The following CERS4 variants were observed in gnomAD, a reference collection of about 807,000 sequenced individuals.
The protein encoded by CERS4 is ceramide synthase 4.
Under a neutral mutation model 51.8 loss-of-function variants are expected in CERS4, and 65 were observed. The ratio of observed to expected loss-of-function variants is 1.26; its 90% CI spans 1.03 to 1.54. CERS4 has a LOEUF of 1.54. Ranked by LOEUF, CERS4 falls within the 40% of genes most tolerant of loss-of-function variation. The pLI is 0.00. For synonymous variants in CERS4, 228 were observed against 208.4 expected, an observed-to-expected ratio of 1.09 and a Z score of -0.81; for missense variants, 563 against 500.4, an observed-to-expected ratio of 1.13 and a Z score of -1.19.
At chr19:8,254,322 C>CAAAA (rs74176633) in intron 3 of CERS4, among the ~76,000 whole-genome samples, 177 bp from the exon 4 acceptor site, 1,617 of 38,728 alleles carry the variant, frequency 0.042, 180 homozygotes, top group South Asian at 0.11. Flanking sequence ...TACTCTGTCT[C>CAAAA]AAAAAAAAAA....
Position 8,262,123 on chromosome 19 carries a change from G to A in CERS4, c.*14G>A. The A allele has an allele frequency of 6.9e-7, 1 of 1,443,540 alleles. No individual in the cohort carries two copies. The highest frequency in any genetic ancestry group is 9.1e-7 in the Non-Finnish European group (1 of 1,100,708). 89.4% of individuals were successfully genotyped at this position (1,443,540 alleles called of 1,614,324 possible). ...ACAGCCACATAGCCGGGCGGGGCTG[G>A]CTGTAAGGGGTTGCCCCCCCGCCAG... On this transcript the variant is annotated 3_prime_UTR_variant, in exon 12 of 12. Coordinates refer to ENST00000251363, the MANE Select transcript of CERS4 (RefSeq NM_024552.3).
Position 8,256,242 on chromosome 19 carries a change from T to A in CERS4, c.475T>A (p.Trp159Arg), listed in dbSNP as rs775703749. The stretch of plus-strand genomic sequence containing the variant: ...GACACCCATTTCCCTGCAGGAGTCA[T>A]GGCTGTGGGCACCAGTAATGTGCTG... ...GGLSVLYHES[W>R]LWAPVMCWDR... Residue 159 changes from tryptophan (W) to arginine (R), a missense_variant, in exon 7 of 12, where the codon TGG (tryptophan) becomes AGG (arginine). Coordinates refer to ENST00000251363, the MANE Select transcript of CERS4 (RefSeq NM_024552.3). 8.1e-6 allele frequency: 13 copies of A among 1,612,816 alleles called. No homozygotes were observed. The highest frequency in any genetic ancestry group is 6.7e-5 in the Admixed American group (4 of 59,776).
chr19:8,252,942 C>T (rs1262013226), intron 3 of CERS4, among the ~76,000 whole-genome samples: 1 of 152,110 alleles, frequency 6.6e-6, no homozygotes, highest in African/African-American at 2.4e-5. Flanking sequence ...GTCTCTGAGC[C>T]TCAGTTTACC....
intron 3 of CERS4, among the ~76,000 whole-genome samples, chr19:8,251,603 A>G (rs991531035): frequency 1.5e-4 from 23 of 151,684 alleles, no homozygotes; most frequent in Non-Finnish European, 2.8e-4. Context: ...CTTGAGGTCA[A>G]GAGTTCGAGA....
chr19:8,235,407 G>A (rs928820978), intron 2 of CERS4, among the ~76,000 whole-genome samples: 3 of 151,350 alleles, frequency 2.0e-5, no homozygotes, highest in African/African-American at 7.3e-5. Context: ...GGATTACAGG[G>A]CCATCTTTTT....
intron 2 of CERS4, among the ~76,000 whole-genome samples, chr19:8,235,016 T>C (rs1968180794): frequency 6.7e-6 from 1 of 148,926 alleles, no homozygotes; most frequent in African/African-American, 2.5e-5. Context: ...TCTTTCTTTT[T>C]TTTTTTTTTC....
intron 2 of CERS4, among the ~76,000 whole-genome samples, chr19:8,224,786 G>A (rs147382078): frequency 6.6e-6 from 1 of 152,106 alleles, no homozygotes; most frequent in South Asian, 2.1e-4. Flanking sequence ...AGGGACTGTC[G>A]CGGGAAAGAC....
intron 2 of CERS4, among the ~76,000 whole-genome samples, chr19:8,249,906 TC>T (rs895537929): frequency 1.3e-5 from 2 of 152,028 alleles, no homozygotes; most frequent in African/African-American, 2.4e-5. Flanking sequence ...TTTCTTTAAA[TC>T]CTTCATCTTT....
At chr19:8,223,607 G>C (rs1421780061) in intron 2 of CERS4, among the ~76,000 whole-genome samples, 3 of 151,800 alleles carry the variant, frequency 2.0e-5, no homozygotes, top group African/African-American at 7.3e-5. Flanking sequence ...CAACAAGAGA[G>C]AAACTCTGTC....
intron 10 of CERS4, among the ~76,000 whole-genome samples, chr19:8,258,806 C>T (rs1467488404): frequency 4.0e-5 from 6 of 151,878 alleles, no homozygotes; most frequent in Non-Finnish European, 5.9e-5. Context: ...TGTACCACTG[C>T]ACTCCAGCCT....
At chr19:8,213,600 G>T (rs753102301) in intron 2 of CERS4, among the ~76,000 whole-genome samples, 7 of 152,134 alleles carry the variant, frequency 4.6e-5, no homozygotes, top group Non-Finnish European at 1.0e-4. Flanking sequence ...GAGCCACTGT[G>T]CCTGGCCAAG....
intron 9 of CERS4, 146 bp downstream of exon 9, chr19:8,257,223 C>G: frequency 2.4e-6 from 2 of 839,422 alleles, no homozygotes; most frequent in Non-Finnish European, 3.7e-6. Context: ...GCCCTGCCCC[C>G]TCTGTCTTCC....
chr19:8,253,467 TTTTTG>T (rs1453773196), intron 3 of CERS4, among the ~76,000 whole-genome samples: 37 of 148,750 alleles, frequency 2.5e-4, no homozygotes, highest in Admixed American at 1.3e-3. Flanking sequence ...TTTTTTTTTT[TTTTTG>T]GGGAGACAGA....
In CERS4 at chr19:8,255,674, G is replaced by A. The variant is rs773042811; in HGVS notation, c.359G>A (p.Arg120Lys). 1.9e-6 allele frequency: 3 copies of A among 1,613,086 alleles called. No individual in the cohort carries two copies. The highest frequency in any genetic ancestry group is 1.7e-6 in the Non-Finnish European group (2 of 1,179,876). The change falls in exon 5 of 12, where the codon AGA (arginine) becomes AAA (lysine). Residue 120 changes from arginine to lysine, a missense_variant. Arg to Lys is a conservative substitution (Grantham distance 26, BLOSUM62 2). Transcript: ENST00000251363. ...CAGCAGACCCAGCGATGGTTCCGGA[G>A]ACGCCGGAACCAGGATCGACCCCAG... Reference protein sequence around the residue: ...TLQQTQRWFRRRRNQDRPQLT... With the variant: ...TLQQTQRWFRKRRNQDRPQLT...
Position 8,257,052 on chromosome 19 carries a change from A to C in CERS4, c.716A>C (p.His239Pro). The C allele has an allele frequency of 1.2e-6, 2 of 1,609,526 alleles. No individual in the cohort carries two copies. Among genetic ancestry groups the C allele is most frequent in the Non-Finnish European group, 1.7e-6 (2 of 1,177,258 alleles). The stretch of plus-strand genomic sequence containing the variant: ...ATTGGCTCTCTGGTGCTGCTGTTAC[A>C]CGATTCCTCTGACTACCTGCTGGAG... ...LRIGSLVLLL[H>P]DSSDYLLEAC... Residue 239 changes from histidine (H) to proline (P), a missense_variant, in exon 9 of 12, where the codon CAC (histidine) becomes CCC (proline). Coordinates refer to ENST00000251363, the MANE Select transcript of CERS4 (RefSeq NM_024552.3).
At chr19:8,242,611 T>C (rs1766072902) in intron 2 of CERS4, among the ~76,000 whole-genome samples, 3 of 152,178 alleles carry the variant, frequency 2.0e-5, no homozygotes, top group Non-Finnish European at 4.4e-5. Context: ...AGCTGGGTTT[T>C]GAAGGATGCA....
At position 8,256,560 on chromosome 19, in the gene CERS4, C is replaced by A. The variant is rs1023312262; in HGVS notation, c.520-58C>A. On this transcript the variant is annotated intron_variant, in intron 7 of 11. Transcript: ENST00000251363. ...CAAACGGAGTGGGCCCGGAGCCATACCCCTGCCCGATTGGAGCCTTCGCTC... is the reference window on the plus strand; with the variant it reads ...CAAACGGAGTGGGCCCGGAGCCATAACCCTGCCCGATTGGAGCCTTCGCTC... The A allele has an allele frequency of 1.1e-4, 173 of 1,505,204 alleles. No individual in the cohort carries two copies. In the East Asian group the frequency reaches 3.9e-3, roughly 34 times the overall value. The allele number at this position is 1,505,204 out of a possible 1,614,324, so 93.2% of individuals were successfully genotyped here.
chr19:8,244,785 C>T lies in CERS4; in HGVS notation c.-1-6291C>T, dbSNP rs564703636. Among the ~76,000 whole-genome samples, 5 of 152,208 alleles carry T rather than the reference C, an allele frequency of 3.3e-5. No homozygotes were observed. The East Asian group carries it at 5.9e-4, about 18-fold the overall frequency. ...TTGGAAAGCAGTTTGCCCACCTTGGCCTCCCAAAGTGCTGGGATTACAGGG... is the reference window on the plus strand; with the variant it reads ...TTGGAAAGCAGTTTGCCCACCTTGGTCTCCCAAAGTGCTGGGATTACAGGG... On this transcript the variant is annotated intron_variant, in intron 2 of 11. Coordinates refer to ENST00000251363, the MANE Select transcript of CERS4 (RefSeq NM_024552.3).
At chr19:8,227,930 C>T (rs999609505) in intron 2 of CERS4, among the ~76,000 whole-genome samples, 1 of 152,066 alleles carries the variant, frequency 6.6e-6, no homozygotes, top group African/African-American at 2.4e-5. Context: ...GGCGTGATCT[C>T]GGCTCACCGC....
Sources: gnomAD v4.1 joint callset for allele counts (sites outside exome capture counted in the v4.1 genomes callset) on GRCh38, gnomAD v4.1.1 for gene constraint, MANE v1.5 for transcripts, NCBI Gene and HGNC (gene_info 2026-07-23, HGNC 2026-07-21) for gene names.